Variants in GUCA1C observed in about 807,000 individuals in gnomAD.
GUCA1C encodes the protein guanylate cyclase activator 1C.
GUCA1C carries 15 observed loss-of-function variants against 16.2 expected under a neutral mutation model. The ratio of observed to expected loss-of-function variants is 0.93; its 90% confidence interval spans 0.62 to 1.43. The LOEUF is 1.43. Among genes scored for constraint, GUCA1C ranks in the 40% most tolerant of loss-of-function variants. GUCA1C has a pLI of 0.00. For synonymous variants in GUCA1C, 78 were observed against 85.4 expected (o/e 0.91, Z 0.48); for missense variants, 275 against 244.8 (o/e 1.12, Z -0.82).
chr3:108,919,618 T>C (rs1466886997), intron 2 of GUCA1C, among the ~76,000 whole-genome samples: 1 of 152,204 alleles, frequency 6.6e-6, no homozygotes, highest in Non-Finnish European at 1.5e-5. Flanking sequence ...TTATCTGCTT[T>C]GAACGTTTGT....
intron 1 of GUCA1C, among the ~76,000 whole-genome samples, chr3:108,926,638 GC>G (rs1052263706): frequency 3.3e-5 from 5 of 152,022 alleles, no homozygotes; most frequent in Non-Finnish European, 2.9e-5. Flanking sequence ...ACGCCACCAC[GC>G]CCAGCTAATT....
chr3:108,932,248 G>T (rs1427561197), intron 1 of GUCA1C, among the ~76,000 whole-genome samples: 1 of 149,258 alleles, frequency 6.7e-6, no homozygotes, highest in Non-Finnish European at 1.5e-5. Flanking sequence ...GCCTGAGCCT[G>T]AGTGGGGTTC....
At chr3:108,922,202 C>T (rs201827696) in intron 1 of GUCA1C, among the ~76,000 whole-genome samples, 369 of 44,330 alleles carry the variant, frequency 8.3e-3, no homozygotes, top group East Asian at 0.043. Context: ...CACACACACA[C>T]ATATATATAT....
intron 1 of GUCA1C, among the ~76,000 whole-genome samples, chr3:108,930,194 A>T (rs1193661228): frequency 1.3e-5 from 2 of 152,240 alleles, no homozygotes; most frequent in Non-Finnish European, 2.9e-5. Context: ...TATCCAGCAC[A>T]AGAAAACATG....
At chr3:108,921,052 G>A (rs1946565482) in intron 1 of GUCA1C, among the ~76,000 whole-genome samples, 1 of 152,164 alleles carries the variant, frequency 6.6e-6, no homozygotes, top group Non-Finnish European at 1.5e-5. Context: ...ATTGCATAGA[G>A]TAGTTTTGCT....
rs752737181 is a variant in GUCA1C at position 108,953,712 on chromosome 3, T to C, written c.51A>G (p.Gln17=). 6 of 1,612,530 alleles carry C rather than the reference T, an allele frequency of 3.7e-6. No individual in the cohort carries two copies. Among genetic ancestry groups the C allele is most frequent in the Middle Eastern group, 1.7e-4 (1 of 6,054 alleles). Residue 17 remains glutamine, a synonymous_variant, in exon 1 of 4, where the codon CAA becomes CAG. Transcript: ENST00000261047. ...ATGTTCTGTACCACACATGGGTCTC[T>C]TGTGTAGGAACTGCTTTCTGATCAC... ...IAGDQKAVPT[Q]ETHVWYRTFM... is the part of the protein sequence containing the mutation.
At chr3:108,944,920 G>A (rs72935316) in intron 1 of GUCA1C, among the ~76,000 whole-genome samples, 158 of 152,318 alleles carry the variant, frequency 1.0e-3, no homozygotes, top group African/African-American at 3.7e-3. Context: ...AAAGAGAAAG[G>A]AGACTTGGAG....
At chr3:108,920,381 G>C (rs1201747511) in intron 2 of GUCA1C, 55 bp downstream of exon 2, 1 of 1,370,488 alleles carries the variant, frequency 7.3e-7, no homozygotes, top group African/African-American at 1.4e-5. Flanking sequence ...CATAGGAAGG[G>C]AAATTGGGTT....
chr3:108,950,377 A>G (rs1946885558), intron 1 of GUCA1C, among the ~76,000 whole-genome samples: 1 of 152,222 alleles, frequency 6.6e-6, no homozygotes, highest in Non-Finnish European at 1.5e-5. Flanking sequence ...TAACCTTTCA[A>G]CATACTGTTT....
intron 1 of GUCA1C, among the ~76,000 whole-genome samples, chr3:108,937,699 C>T (rs1576553746): frequency 6.6e-6 from 1 of 152,212 alleles, no homozygotes; most frequent in South Asian, 2.1e-4. Context: ...GAGGCCTACA[C>T]AGTGTTAACA....
intron 1 of GUCA1C, among the ~76,000 whole-genome samples, chr3:108,938,951 G>A (rs1047865494): frequency 5.9e-5 from 9 of 152,302 alleles, no homozygotes; most frequent in Non-Finnish European, 1.2e-4. Flanking sequence ...TGAATCAGAA[G>A]TCATCTCATG....
chr3:108,935,215 G>T (rs1281714708), intron 1 of GUCA1C, among the ~76,000 whole-genome samples: 1 of 152,022 alleles, frequency 6.6e-6, no homozygotes, highest in Non-Finnish European at 1.5e-5. Flanking sequence ...GAGGAAGGGA[G>T]CAGGTGTTGA....
intron 1 of GUCA1C, among the ~76,000 whole-genome samples, chr3:108,923,573 G>A (rs1040387818): frequency 1.3e-5 from 2 of 152,152 alleles, no homozygotes; most frequent in African/African-American, 4.8e-5. Flanking sequence ...ATAATTTGAA[G>A]TTGGAAATAT....
chr3:108,931,865 C>CTTTTTTTTTTTTTTTTTT lies in GUCA1C; in HGVS notation c.205-11298_205-11281dup, dbSNP rs59451506. Among the ~76,000 whole-genome samples the CTTTTTTTTTTTTTTTTTT allele has an allele frequency of 1.8e-5, 2 of 110,142 alleles. 1 individual carries two copies. The highest frequency in any genetic ancestry group is 7.1e-5 in the African/African-American group (2 of 28,016). 72.3% of individuals were successfully genotyped at this position (110,142 alleles called of 152,430 possible). A position where few individuals can be genotyped will look rare whatever the true frequency, so the allele number is the denominator to read the frequency against. On this transcript the variant is annotated intron_variant, in intron 1 of 3. Coordinates refer to ENST00000261047, the MANE Select transcript of GUCA1C (RefSeq NM_005459.4). ...AAGGGAACAGTTTTTTTTCTTCCTT[C>CTTTTTTTTTTTTTTTTTT]TTTTTTTTTTTTTTTTTTTTTGAGA...
chr3:108,935,922 T>A (rs1480186723), intron 1 of GUCA1C, among the ~76,000 whole-genome samples: 1 of 151,994 alleles, frequency 6.6e-6, no homozygotes, highest in African/African-American at 2.4e-5. Flanking sequence ...AAATCACAGG[T>A]GTTTTCAGGA....
intron 3 of GUCA1C, among the ~76,000 whole-genome samples, chr3:108,910,054 A>C (rs192969476): frequency 1.3e-5 from 2 of 152,312 alleles, no homozygotes; most frequent in African/African-American, 4.8e-5. Flanking sequence ...ACACTGACTA[A>C]TTGCCTTCCT....
At chr3:108,920,714 AC>A (rs1422983689) in intron 1 of GUCA1C, 129 bp from the exon 2 acceptor site, 2 of 570,398 alleles carry the variant, frequency 3.5e-6, no homozygotes, top group Non-Finnish European at 6.1e-6. Context: ...TCAGCATAAA[AC>A]TTTTCCCTAG....
intron 1 of GUCA1C, among the ~76,000 whole-genome samples, chr3:108,943,132 T>G (rs1478653946): frequency 6.6e-6 from 1 of 152,074 alleles, no homozygotes; most frequent in Non-Finnish European, 1.5e-5. Flanking sequence ...TAGAGAGAGT[T>G]TTTCTAGTTT....
At chr3:108,947,244 A>C (rs1946852389) in intron 1 of GUCA1C, among the ~76,000 whole-genome samples, 1 of 152,192 alleles carries the variant, frequency 6.6e-6, no homozygotes, top group African/African-American at 2.4e-5. Flanking sequence ...GTTATGAAGA[A>C]AATAATACGG....
Sources: gnomAD v4.1 joint callset for allele counts (sites outside exome capture counted in the v4.1 genomes callset) on GRCh38, gnomAD v4.1.1 for gene constraint, MANE v1.5 for transcripts, NCBI Gene and HGNC (gene_info 2026-07-23, HGNC 2026-07-21) for gene names.